Variants in ERC1 observed in about 807,000 individuals in gnomAD.
ERC1 encodes the protein ELKS/RAB6-interacting/CAST family member 1.
ERC1 carries 56 observed loss-of-function variants against 132.0 expected under a neutral mutation model. The observed-to-expected ratio is 0.42, with a 90% CI of 0.34 to 0.53. ERC1 has a LOEUF of 0.53. Among genes scored for constraint, ERC1 ranks in the 20% least tolerant of loss-of-function variants. ERC1 has a pLI of 0.03. For synonymous variants in ERC1, 478 were observed against 476.1 expected (o/e 1.00, Z -0.05); for missense variants, 1,202 against 1,349.9 (o/e 0.89, Z 1.72).
intron 8 of ERC1, among the ~76,000 whole-genome samples, chr12:1,171,238 T>C (rs1204641259): frequency 6.6e-6 from 1 of 152,174 alleles, no homozygotes; most frequent in East Asian, 1.9e-4. Context: ...AAAACCCAAA[T>C]TGAATTTAAA....
At chr12:1,272,958 A>C (rs910380327) in intron 14 of ERC1, among the ~76,000 whole-genome samples, 5 of 151,424 alleles carry the variant, frequency 3.3e-5, no homozygotes, top group Non-Finnish European at 7.4e-5. Flanking sequence ...AAAAAAAAAA[A>C]AAAAAAAAAA....
intron 16 of ERC1, among the ~76,000 whole-genome samples, chr12:1,400,812 C>T (rs1437426559): frequency 6.6e-6 from 1 of 150,510 alleles, no homozygotes; most frequent in African/African-American, 2.4e-5. Flanking sequence ...ATGCTGATAA[C>T]ACACTGTAGG....
chr12:1,047,950 C>G (rs1423614945), intron 2 of ERC1, among the ~76,000 whole-genome samples: 2 of 152,092 alleles, frequency 1.3e-5, no homozygotes, highest in Non-Finnish European at 2.9e-5. Context: ...GGAATTGAGA[C>G]AGTGGTTAAG....
At chr12:1,400,363 G>T (rs2090914369) in intron 16 of ERC1, among the ~76,000 whole-genome samples, 1 of 152,048 alleles carries the variant, frequency 6.6e-6, no homozygotes, top group South Asian at 2.1e-4. Flanking sequence ...CTCCCATCCT[G>T]TCGTTCTCTT....
chr12:996,095 GT>G (rs71441637), intron 1 of ERC1, among the ~76,000 whole-genome samples: 27 of 142,788 alleles, frequency 1.9e-4, no homozygotes, highest in South Asian at 2.2e-4. Flanking sequence ...TGTTTTTTTT[GT>G]TTTTTTTTTT....
intron 8 of ERC1, among the ~76,000 whole-genome samples, chr12:1,165,149 G>A (rs1469344273): frequency 6.6e-6 from 1 of 152,152 alleles, no homozygotes; most frequent in Non-Finnish European, 1.5e-5. Flanking sequence ...GTGAATTAAT[G>A]CTACTTACTG....
chr12:1,476,059 C>T lies in ERC1; in HGVS notation c.3214-14034C>T, dbSNP rs1176752815. Among the ~76,000 whole-genome samples the T allele has an allele frequency of 2.6e-5, 4 of 151,594 alleles. No homozygotes were observed. The South Asian group carries it at 6.3e-4, about 24-fold the overall frequency. On this transcript the variant is annotated intron_variant, in intron 18 of 18. Coordinates refer to ENST00000360905, the MANE Select transcript of ERC1 (RefSeq NM_178040.4). ...TGGGTGGATCACACGGTCAGGAGATCGAGACCATCCTGGCTAACACAGTGA... is the reference window on the plus strand; with the variant it reads ...TGGGTGGATCACACGGTCAGGAGATTGAGACCATCCTGGCTAACACAGTGA...
chr12:1,247,750 A>G (rs1456148623), intron 13 of ERC1, among the ~76,000 whole-genome samples: 1 of 152,098 alleles, frequency 6.6e-6, no homozygotes, highest in Non-Finnish European at 1.5e-5. Context: ...TAATCCCAGT[A>G]CTTTGGGAGG....
intron 17 of ERC1, among the ~76,000 whole-genome samples, chr12:1,418,593 T>C (rs61913149): frequency 0.01 from 199 of 19,778 alleles, 3 homozygotes; most frequent in East Asian, 0.075. Flanking sequence ...TTCTTTCTCT[T>C]TCTTTCTTTC....
At chr12:1,443,609 G>A (rs2093223652) in intron 17 of ERC1, 1 of 152,352 alleles carries the variant, frequency 6.6e-6, no homozygotes, top group South Asian at 2.1e-4. Flanking sequence ...CACAGCTGCT[G>A]TGTGTCAAGC....
intron 13 of ERC1, chr12:1,244,422 G>A (rs2076026750): frequency 2.8e-6 from 1 of 352,552 alleles, no homozygotes; most frequent in South Asian, 2.2e-5. Context: ...TTTTTTGAAG[G>A]AATTATTTTA....
chr12:1,169,588 G>A (rs1952833442), intron 8 of ERC1, among the ~76,000 whole-genome samples: 1 of 152,128 alleles, frequency 6.6e-6, no homozygotes, highest in Admixed American at 6.5e-5. Flanking sequence ...TCTGCTTTCC[G>A]GGAAACCCAG....
chr12:1,245,377 C>G (rs2076094394), intron 13 of ERC1, among the ~76,000 whole-genome samples: 1 of 151,914 alleles, frequency 6.6e-6, no homozygotes, highest in Non-Finnish European at 1.5e-5. Context: ...TGTATTTATT[C>G]TTTTGTCACT....
At chr12:1,189,210 T>A (rs903007576) in intron 11 of ERC1, among the ~76,000 whole-genome samples, 1 of 152,188 alleles carries the variant, frequency 6.6e-6, no homozygotes, top group Non-Finnish European at 1.5e-5. Flanking sequence ...ACTGAGCCCA[T>A]CCTTAAGTGT....
intron 18 of ERC1, among the ~76,000 whole-genome samples, chr12:1,469,675 C>T (rs1016435539): frequency 4.6e-5 from 7 of 152,186 alleles, no homozygotes; most frequent in African/African-American, 7.2e-5. Context: ...GGAAACGTCC[C>T]GGGAGTCCCT....
At chr12:1,339,430 C>T (rs1272489336) in intron 15 of ERC1, among the ~76,000 whole-genome samples, 1 of 140,520 alleles carries the variant, frequency 7.1e-6, no homozygotes, top group Non-Finnish European at 1.5e-5. Flanking sequence ...CTAGCAGGTG[C>T]CAGGGTGCCC....
intron 15 of ERC1, among the ~76,000 whole-genome samples, chr12:1,348,611 T>G (rs962041360): frequency 7.9e-5 from 12 of 151,966 alleles, no homozygotes; most frequent in Non-Finnish European, 1.2e-4. Context: ...GAGATTTGCT[T>G]GAACCTCGGA....
intron 13 of ERC1, among the ~76,000 whole-genome samples, chr12:1,259,121 C>T (rs2076985536): frequency 1.3e-5 from 2 of 152,058 alleles, no homozygotes; most frequent in South Asian, 2.1e-4. Flanking sequence ...ATATTATTTA[C>T]ACAAATAATA....
intron 15 of ERC1, among the ~76,000 whole-genome samples, chr12:1,328,502 G>C (rs971789076): frequency 6.6e-6 from 1 of 152,000 alleles, no homozygotes; most frequent in African/African-American, 2.4e-5. Context: ...TTTTCCAAAG[G>C]CTTCTTATCC....
Sources: allele counts gnomAD v4.1 joint callset (sites outside exome capture counted in the v4.1 genomes callset), GRCh38; gene constraint gnomAD v4.1.1; transcripts MANE v1.5; gene names NCBI Gene and HGNC (gene_info 2026-07-23, HGNC 2026-07-21).